Variants in TGFBRAP1 observed in about 807,000 individuals in gnomAD.
TGFBRAP1 encodes the protein transforming growth factor-beta receptor-associated protein 1.
In TGFBRAP1, 20 loss-of-function variants were observed where a neutral mutation model predicts 83.2. The observed-to-expected ratio is 0.24, with a 90% CI of 0.17 to 0.35. TGFBRAP1 has a LOEUF of 0.35. TGFBRAP1 is among the 10% of genes least tolerant of loss of function. TGFBRAP1 has a pLI of 1.00. For synonymous variants in TGFBRAP1, 415 were observed against 459.8 expected, an observed-to-expected ratio of 0.90 and a Z score of 1.25; for missense variants, 950 against 1,099.4, an observed-to-expected ratio of 0.86 and a Z score of 1.92.
chr2:105,319,807 T>C (rs1438788519), intron 1 of TGFBRAP1, among the ~76,000 whole-genome samples: 1 of 150,080 alleles, frequency 6.7e-6, no homozygotes, highest in Non-Finnish European at 1.5e-5. Context: ...TATATAGGTA[T>C]ATATGTGTTT....
Position 105,265,442 on chromosome 2 carries a change from C to T in TGFBRAP1, c.*1941G>A, listed in dbSNP as rs1258089406. 6.6e-6 allele frequency: 1 copy of T among 152,438 alleles called. No homozygotes were observed. Among genetic ancestry groups the T allele is most frequent in the Non-Finnish European group, 1.5e-5 (1 of 68,044 alleles). 9.4% of individuals were successfully genotyped at this position (152,438 alleles called of 1,614,324 possible). ...CGAGATTGCGCCACTGCACTCCAGC[C>T]TGGGTGACAGAGTGAGACTCTGTCT... On this transcript the variant is annotated 3_prime_UTR_variant, in exon 12 of 12. Coordinates refer to ENST00000393359, the MANE Select transcript of TGFBRAP1 (RefSeq NM_004257.6).
At chr2:105,319,748 T>C (rs1236530463) in intron 1 of TGFBRAP1, among the ~76,000 whole-genome samples, 2 of 149,242 alleles carry the variant, frequency 1.3e-5, no homozygotes, top group African/African-American at 4.9e-5. Flanking sequence ...ATTAACTATA[T>C]AAATATTAGC....
chr2:105,284,129 C>A (rs115714504), intron 5 of TGFBRAP1, among the ~76,000 whole-genome samples, 187 bp downstream of exon 5: 47 of 152,128 alleles, frequency 3.1e-4, no homozygotes, highest in African/African-American at 1.1e-3. Flanking sequence ...ATTAAGGCTC[C>A]GGGTGAGGGG....
At chr2:105,311,225 G>A (rs1678682365) in intron 1 of TGFBRAP1, among the ~76,000 whole-genome samples, 1 of 149,522 alleles carries the variant, frequency 6.7e-6, no homozygotes, top group Non-Finnish European at 1.5e-5. Flanking sequence ...AAAAACAAAT[G>A]CAATATTGTT....
chr2:105,315,848 T>A (rs1242931481), intron 1 of TGFBRAP1, among the ~76,000 whole-genome samples: 1 of 152,188 alleles, frequency 6.6e-6, no homozygotes, highest in Non-Finnish European at 1.5e-5. Flanking sequence ...AATATTTCCA[T>A]TTCTCTTGGG....
intron 1 of TGFBRAP1, among the ~76,000 whole-genome samples, chr2:105,311,454 G>A (rs1678690603): frequency 6.6e-6 from 1 of 152,110 alleles, no homozygotes; most frequent in Non-Finnish European, 1.5e-5. Context: ...ACCTGGTGGG[G>A]CACACCTGTA....
At chr2:105,297,596 G>A (rs562703328) in intron 3 of TGFBRAP1, among the ~76,000 whole-genome samples, 5 of 152,342 alleles carry the variant, frequency 3.3e-5, no homozygotes, top group South Asian at 2.1e-4. Flanking sequence ...TGGCAAATGC[G>A]ATGCATAAAT....
intron 1 of TGFBRAP1, among the ~76,000 whole-genome samples, chr2:105,314,129 AAGG>A (rs2104404702): frequency 6.6e-6 from 1 of 152,278 alleles, no homozygotes; most frequent in South Asian, 2.1e-4. Context: ...CAGAAAGAGG[AAGG>A]AGATCTATAA....
the TGFBRAP1 span, among the ~76,000 whole-genome samples, chr2:105,257,419 T>C: frequency 1.3e-5 from 2 of 152,174 alleles, no homozygotes; most frequent in Non-Finnish European, 2.9e-5. Flanking sequence ...AATTTCCCCT[T>C]TCTCCCTTCC....
rs140789917 is a variant in TGFBRAP1, at chr2:105,318,032, G to C, written c.-17-9714C>G. ...AGGAGGCTCCACCATGCCAGGGGAAGGTTCGGAGCTGGTAAGGACAGGTTA... is the reference window on the plus strand; with the variant it reads ...AGGAGGCTCCACCATGCCAGGGGAACGTTCGGAGCTGGTAAGGACAGGTTA... On this transcript the variant is annotated intron_variant, in intron 1 of 11. Coordinates refer to ENST00000393359, the MANE Select transcript of TGFBRAP1 (RefSeq NM_004257.6). Among the ~76,000 whole-genome samples, 65 of 152,316 alleles carry C rather than the reference G, an allele frequency of 4.3e-4. No individual in the cohort carries two copies. The East Asian group carries it at 0.011, about 27-fold the overall frequency.
At chr2:105,250,168 T>C in the TGFBRAP1 span, among the ~76,000 whole-genome samples, 1 of 152,306 alleles carries the variant, frequency 6.6e-6, no homozygotes, top group Middle Eastern at 3.4e-3. Context: ...GTTAGTCTGA[T>C]AAGAACGGAA....
the TGFBRAP1 span, among the ~76,000 whole-genome samples, chr2:105,251,480 C>T: frequency 3.3e-5 from 5 of 150,406 alleles, no homozygotes; most frequent in Non-Finnish European, 7.4e-5. Context: ...AAGTGAGGAG[C>T]GTCTCCGCCC....
intron 2 of TGFBRAP1, among the ~76,000 whole-genome samples, chr2:105,302,276 A>G (rs1456998492): frequency 4.6e-5 from 7 of 152,180 alleles, no homozygotes; most frequent in African/African-American, 1.7e-4. Flanking sequence ...ACCTTTATCA[A>G]GGGAGACTAT....
chr2:105,256,818 C>T, the TGFBRAP1 span, among the ~76,000 whole-genome samples: 957 of 152,258 alleles, frequency 6.3e-3, 5 homozygotes, highest in African/African-American at 0.023. Flanking sequence ...AAGGTCGGCA[C>T]AAGATACAGG....
chr2:105,261,054 T>C (rs1676776997), downstream of TGFBRAP1, among the ~76,000 whole-genome samples: 1 of 152,214 alleles, frequency 6.6e-6, no homozygotes, highest in African/African-American at 2.4e-5. Context: ...TCAGTTATAT[T>C]CGTTTATAAG....
the TGFBRAP1 span, among the ~76,000 whole-genome samples, chr2:105,252,030 T>A: frequency 6.7e-6 from 1 of 150,352 alleles, no homozygotes; most frequent in Non-Finnish European, 1.5e-5. Context: ...GTCCTCTGCC[T>A]AGGAAAACCA....
intron 1 of TGFBRAP1, among the ~76,000 whole-genome samples, chr2:105,313,360 C>T (rs1678752433): frequency 6.6e-6 from 1 of 152,212 alleles, no homozygotes; most frequent in Admixed American, 6.5e-5. Context: ...GCCAGGAGAG[C>T]TGACTGGGAT....
chr2:105,306,498 A>G (rs1678503878), intron 2 of TGFBRAP1, among the ~76,000 whole-genome samples: 1 of 152,160 alleles, frequency 6.6e-6, no homozygotes, highest in African/African-American at 2.4e-5. Context: ...CCCAGAGACC[A>G]TCAAAAAGAT....
At chr2:105,296,284 A>G (rs1678086291) in intron 4 of TGFBRAP1, 72 bp downstream of exon 4, 11 of 1,577,808 alleles carry the variant, frequency 7.0e-6, no homozygotes, top group Non-Finnish European at 9.5e-6. Context: ...GGGCCGATGC[A>G]TGTTAGTTAA....
Sources: allele counts gnomAD v4.1 joint callset (sites outside exome capture counted in the v4.1 genomes callset), GRCh38; gene constraint gnomAD v4.1.1; transcripts MANE v1.5; gene names NCBI Gene and HGNC (gene_info 2026-07-23, HGNC 2026-07-21).